The following ADAM12 variants were observed in gnomAD, a reference collection of about 807,000 sequenced individuals.
ADAM12 encodes the protein ADAM metallopeptidase domain 12, also known as disintegrin and metalloproteinase domain-containing protein 12.
ADAM12 carries 70 observed loss-of-function variants against 106.4 expected under a neutral mutation model. That is an observed-to-expected ratio of 0.66 (90% CI 0.54 to 0.80). The LOEUF (loss-of-function observed/expected upper bound fraction) is 0.80, where lower values mean the gene tolerates loss of function less well. ADAM12 is among the 30% of genes least tolerant of loss of function. The probability of loss-of-function intolerance (pLI) is 0.00; values close to 1 mark genes in which losing one functional copy is unlikely to be tolerated. For missense variants in ADAM12, 1,010 were observed against 1,171.9 expected (o/e 0.86, Z 2.02); for synonymous variants, 420 against 433.5 (o/e 0.97, Z 0.39).
intron 3 of ADAM12, among the ~76,000 whole-genome samples, chr10:126,242,112 A>C (rs11244901): frequency 6.6e-6 from 1 of 151,962 alleles, no homozygotes; most frequent in Admixed American, 6.5e-5. Flanking sequence ...ATGCAAATCA[A>C]ATTTTTACAA....
Position 126,053,986 on chromosome 10 carries a change from C to G in ADAM12, c.1610-4317G>C, listed in dbSNP as rs1393437192. Among the ~76,000 whole-genome samples, 1 of 152,176 alleles carries G rather than the reference C, an allele frequency of 6.6e-6. No individual in the cohort carries two copies. The highest frequency in any genetic ancestry group is 2.1e-4 in the South Asian group (1 of 4,822). ...CCTCCCAAAATGCTGGGATTACAGG[C>G]GTGAGCCACCGTACCTGGCCTGGTC... is the stretch of plus-strand genomic sequence containing the variant. On this transcript the variant is annotated intron_variant, in intron 14 of 22. Coordinates refer to ENST00000448723, the MANE Select transcript of ADAM12 (RefSeq NM_001288973.2). The surrounding 1 kb of genome is among the most constrained non-coding windows in gnomAD (Gnocchi z 4.6).
chr10:126,330,406 A>C lies in ADAM12; in HGVS notation c.186+6T>G. ...TCTCAAAGCTGAGAAAAGGAGAGGA[A>C]CTCACCTTGGAGTCGAAGCTCTTCA... On this transcript the variant is annotated splice_donor_region_variant and intron_variant, in intron 2 of 22. Coordinates refer to ENST00000448723, the MANE Select transcript of ADAM12 (RefSeq NM_001288973.2). 1 of 1,607,010 alleles carries C rather than the reference A, an allele frequency of 6.2e-7. No individual in the cohort carries two copies. Among genetic ancestry groups the C allele is most frequent in the Non-Finnish European group, 8.5e-7 (1 of 1,176,176 alleles).
At chr10:126,056,499 T>TA (rs1296755940) in intron 14 of ADAM12, among the ~76,000 whole-genome samples, 2 of 152,310 alleles carry the variant, frequency 1.3e-5, no homozygotes, top group East Asian at 3.9e-4. Flanking sequence ...CCCCAATAGA[T>TA]ACGATCTTTT....
chr10:126,157,406 G>C (rs1374610027), intron 3 of ADAM12, among the ~76,000 whole-genome samples: 1 of 152,254 alleles, frequency 6.6e-6, no homozygotes, highest in African/African-American at 2.4e-5. Flanking sequence ...AAAGCAGCGG[G>C]AATATGCAAA....
At chr10:126,349,419 A>C (rs1855271754) in intron 1 of ADAM12, among the ~76,000 whole-genome samples, 1 of 152,244 alleles carries the variant, frequency 6.6e-6, no homozygotes, top group Non-Finnish European at 1.5e-5. Context: ...ATACCTAGAG[A>C]GCTTTGCAGT....
At chr10:126,158,040 C>T (rs886129452) in intron 3 of ADAM12, among the ~76,000 whole-genome samples, 2 of 152,094 alleles carry the variant, frequency 1.3e-5, no homozygotes, top group South Asian at 2.1e-4. Flanking sequence ...GCGAGGTGAA[C>T]GAATGTTCCA....
At chr10:126,284,866 G>T (rs2133766453) in intron 2 of ADAM12, among the ~76,000 whole-genome samples, 1 of 152,310 alleles carries the variant, frequency 6.6e-6, no homozygotes, top group East Asian at 1.9e-4. Context: ...CTTGGAGAAA[G>T]GATGCTCCCT....
At chr10:126,351,147 C>A (rs989780852) in intron 1 of ADAM12, among the ~76,000 whole-genome samples, 5 of 152,200 alleles carry the variant, frequency 3.3e-5, no homozygotes, top group African/African-American at 1.2e-4. Context: ...CCAGACCCCA[C>A]CTGTTCAGCC....
chr10:126,199,618 A>C (rs894407879), intron 3 of ADAM12, among the ~76,000 whole-genome samples: 1 of 152,188 alleles, frequency 6.6e-6, no homozygotes, highest in African/African-American at 2.4e-5. Context: ...GGACCGTCTT[A>C]CACATCTAAA....
intron 2 of ADAM12, among the ~76,000 whole-genome samples, chr10:126,295,920 C>CAT (rs1960358128): frequency 6.6e-6 from 1 of 151,204 alleles, no homozygotes; most frequent in South Asian, 2.1e-4. Context: ...AACACACACA[C>CAT]ACACACACAT....
intron 3 of ADAM12, among the ~76,000 whole-genome samples, chr10:126,162,782 TG>T (rs1243318635): frequency 1.3e-5 from 2 of 152,054 alleles, no homozygotes; most frequent in Non-Finnish European, 2.9e-5. Flanking sequence ...TCAACAGAGA[TG>T]GGTCACTCAT....
Position 126,064,896 on chromosome 10 carries a change from C to A in ADAM12, c.1519G>T (p.Asp507Tyr). 1 of 1,612,956 alleles carries A rather than the reference C, an allele frequency of 6.2e-7. No homozygotes were observed. Residue 507 changes from aspartate (D) to tyrosine (Y), a missense_variant, in exon 14 of 23, where the codon GAT becomes TAT. Transcript: ENST00000448723. The surrounding 1 kb of genome is among the most constrained non-coding windows in gnomAD (Gnocchi z 4.4). ...PHCPANVYLH[D>Y]GHSCQDVDGY... is the part of the protein sequence containing the mutation. ...TCCACATCCTGACATGAGTGCCCATCGTGCAGGTACACGTTGGCTGGGCAG... is the reference window on the plus strand; with the variant it reads ...TCCACATCCTGACATGAGTGCCCATAGTGCAGGTACACGTTGGCTGGGCAG...
intron 1 of ADAM12, among the ~76,000 whole-genome samples, chr10:126,354,528 A>G (rs1192339809): frequency 6.6e-6 from 1 of 152,230 alleles, no homozygotes; most frequent in Admixed American, 6.5e-5. Flanking sequence ...CTCAAAAATT[A>G]TGTAATTGTT....
chr10:126,269,869 G>T (rs910986249), intron 3 of ADAM12, among the ~76,000 whole-genome samples: 7 of 152,174 alleles, frequency 4.6e-5, no homozygotes, highest in African/African-American at 1.7e-4. Flanking sequence ...AGAGGGGCCT[G>T]TTTTAAAAAG....
chr10:126,033,628 A>C (rs1334471288), intron 21 of ADAM12, among the ~76,000 whole-genome samples: 3 of 152,202 alleles, frequency 2.0e-5, no homozygotes, highest in African/African-American at 7.2e-5. Context: ...ACTCCAGCTC[A>C]ACACTTGAAA....
At chr10:126,363,854 C>T (rs147730635) in intron 1 of ADAM12, among the ~76,000 whole-genome samples, 138 of 152,282 alleles carry the variant, frequency 9.1e-4, no homozygotes, top group African/African-American at 3.2e-3. Context: ...TTTGTATAAA[C>T]AGAGAACTAA....
intron 1 of ADAM12, among the ~76,000 whole-genome samples, chr10:126,380,597 G>A (rs141446550): frequency 3.3e-5 from 5 of 152,292 alleles, no homozygotes; most frequent in East Asian, 1.9e-4. Flanking sequence ...TGACGCACTC[G>A]ACAAACTCCT....
chr10:126,230,481 C>T lies in ADAM12; in HGVS notation c.260+48434G>A, dbSNP rs78022137. ...ATTCTTAATATGTATTTCTAAACTG[C>T]TCTACCAAAGGGTGTATCCATTTCC... On this transcript the variant is annotated intron_variant, in intron 3 of 22. Transcript: ENST00000448723. Among the ~76,000 whole-genome samples the T allele has an allele frequency of 9.7e-3, 1,480 of 152,296 alleles. 42 individuals are homozygous for T. In the East Asian group the frequency reaches 0.12, roughly 12 times the overall value.
chr10:126,131,893 C>G (rs1253271592), intron 5 of ADAM12, among the ~76,000 whole-genome samples: 2 of 152,006 alleles, frequency 1.3e-5, no homozygotes, highest in Non-Finnish European at 2.9e-5. Context: ...TAGCTAGGAC[C>G]CTGTATCCAG....
Sources: gnomAD v4.1 joint callset for allele counts (sites outside exome capture counted in the v4.1 genomes callset) on GRCh38, gnomAD v4.1.1 for gene constraint, Gnocchi (gnomAD v3.1) non-coding constraint, MANE v1.5 for transcripts, NCBI Gene and HGNC (gene_info 2026-07-23, HGNC 2026-07-21) for gene names.